CSF3R: variants seen among roughly 807,000 people sequenced by gnomAD.
The protein encoded by CSF3R is granulocyte colony-stimulating factor receptor.
In CSF3R, 52 loss-of-function variants were observed where a neutral mutation model predicts 84.4. That is an observed-to-expected ratio of 0.62 (90% CI 0.49 to 0.78). The LOEUF is 0.78. Among genes scored for constraint, CSF3R ranks in the 30% least tolerant of loss-of-function variants. CSF3R has a pLI of 0.00. For missense variants in CSF3R, 890 were observed against 1,055.7 expected, an observed-to-expected ratio of 0.84 and a Z score of 2.17; for synonymous variants, 384 against 429.1, an observed-to-expected ratio of 0.89 and a Z score of 1.30.
Position 36,473,055 on chromosome 1 carries a change from A to G in CSF3R, c.674-369T>C, listed in dbSNP as rs190042453. On this transcript the variant is annotated intron_variant, in intron 6 of 16. Transcript: ENST00000373106. ...TCTCTCTATGCCCTTCTCCTCCTTT[A>G]ATTTCTCCTTTCTGCTTATTGCTAT... 1.9e-4 allele frequency: 74 copies of G among 385,782 alleles called. No individual in the cohort carries two copies. In the East Asian group the frequency reaches 2.9e-3, roughly 15 times the overall value. 23.9% of individuals were successfully genotyped at this position (385,782 alleles called of 1,614,324 possible). A position where few individuals can be genotyped will look rare whatever the true frequency, so the allele number is the denominator to read the frequency against.
intron 3 of CSF3R, chr1:36,475,875 G>A (rs1011282971): frequency 3.9e-5 from 22 of 564,088 alleles, no homozygotes; most frequent in Non-Finnish European, 6.2e-5. Context: ...GCTGGTAACC[G>A]TTTATCAGCC....
Position 36,475,635 on chromosome 1 carries a change from T to C in CSF3R, c.103A>G (p.Ile35Val), listed in dbSNP as rs755370892. The change falls in exon 4 of 17, where the codon ATC becomes GTC. Residue 35 changes from isoleucine (I) to valine (V), a missense_variant. Transcript: ENST00000373106. ...ECGHISVSAP[I>V]VHLGDPITAS... ...GTGATGGGATCCCCCAGGTGGACGA[T>C]GGGGGCTGAGACACTGATGTGCCCG... 6.8e-6 allele frequency: 11 copies of C among 1,606,916 alleles called. No homozygotes were observed. The Admixed American group carries it at 1.7e-4, about 24-fold the overall frequency.
rs1197343333 is a variant in CSF3R, at chr1:36,473,526, C to T, written c.582G>A (p.Leu194=). 3.7e-6 allele frequency: 6 copies of T among 1,614,194 alleles called. No homozygotes were observed. The highest frequency in any genetic ancestry group is 5.1e-6 in the Non-Finnish European group (6 of 1,180,054). Residue 194 remains leucine, a synonymous_variant, in exon 6 of 17, where the codon CTG becomes CTA. Coordinates refer to ENST00000373106, the MANE Select transcript of CSF3R (RefSeq NM_000760.4). ...CCCAGATGCCCATATTCTGGTACAA[C>T]AGCAGGTGTTTGCGTGGGATGCAGC... The part of the protein sequence containing the change: ...SHCCIPRKHL[L]LYQNMGIWVQ...
In CSF3R at chr1:36,467,321, G is replaced by T; in HGVS notation, c.1959-10C>A. ...GAGGGGATTCTTCCTGCTGGAGAAG[G>T]GGGCAGGTGGAGGCTGAGTCAGACA... On this transcript the variant is annotated splice_polypyrimidine_tract_variant and intron_variant, in intron 15 of 16. Transcript: ENST00000373106. This position sits in a 1 kb window ranked among gnomAD's most constrained non-coding sequence, Gnocchi z 4.1. 6.2e-7 allele frequency: 1 copy of T among 1,614,064 alleles called. No individual in the cohort carries two copies. Among genetic ancestry groups the T allele is most frequent in the Admixed American group, 1.7e-5 (1 of 60,026 alleles).
At chr1:36,471,889 G>C (rs558413464) in intron 9 of CSF3R, 177 bp downstream of exon 9, 3 of 721,148 alleles carry the variant, frequency 4.2e-6, no homozygotes, top group Non-Finnish European at 7.1e-6. Flanking sequence ...TGTGACGTGC[G>C]TTACAGTCTG....
At position 36,473,761 on chromosome 1, in the gene CSF3R, C is replaced by T. The variant is rs773649621; in HGVS notation, c.485+3G>A. On this transcript the variant is annotated splice_donor_region_variant and intron_variant, in intron 5 of 16. Transcript: ENST00000373106. ...GGGGACCAAGGTGGGGGCCCCTCCT[C>T]ACTTGAAACTCTTCAGAGTGAAGCT... 6.2e-7 allele frequency: 1 copy of T among 1,614,248 alleles called. No homozygotes were observed. Among genetic ancestry groups the T allele is most frequent in the Non-Finnish European group, 8.5e-7 (1 of 1,180,038 alleles).
chr1:36,475,558 C>G lies in CSF3R; in HGVS notation c.180G>C (p.Gln60His). The change falls in exon 4 of 17, where the codon CAG (glutamine) becomes CAC (histidine). Residue 60 changes from glutamine to histidine, a missense_variant. Physicochemically the swap from Gln to His is conservative, Grantham distance 24. Transcript: ENST00000373106. ...GCTCTGCTCCCAGTCTCCACAGAAT[C>G]TGTGGCTCCGGGTCCAGATGGCTGC... is the stretch of plus-strand genomic sequence containing the variant. ...QNCSHLDPEP[Q>H]ILWRLGAELQ... The G allele has an allele frequency of 6.2e-7, 1 of 1,613,974 alleles. No individual in the cohort carries two copies. Among genetic ancestry groups the G allele is most frequent in the South Asian group, 1.1e-5 (1 of 91,074 alleles).
intron 6 of CSF3R, chr1:36,473,192 A>G (rs1650895280): frequency 3.5e-6 from 2 of 573,836 alleles, no homozygotes; most frequent in South Asian, 4.2e-5. Context: ...TGGGTGCTTT[A>G]GGAAACACGC....
At chr1:36,468,311 G>T in intron 12 of CSF3R, 90 bp from the exon 13 acceptor site, 1 of 1,392,530 alleles carries the variant, frequency 7.2e-7, no homozygotes, top group Non-Finnish European at 9.7e-7. Flanking sequence ...ACACTGTGGG[G>T]TGGGTGAGAA....
intron 3 of CSF3R, chr1:36,475,879 A>G (rs576003220): frequency 1.8e-6 from 1 of 560,138 alleles, no homozygotes; most frequent in East Asian, 2.9e-5. Flanking sequence ...GTAACCGTTT[A>G]TCAGCCAGCT....
At chr1:36,479,960 A>G in intron 2 of CSF3R, 1 of 303,720 alleles carries the variant, frequency 3.3e-6, no homozygotes, top group South Asian at 3.0e-5. Context: ...GAAAGCCAGC[A>G]CAAAGTTACA....
intron 4 of CSF3R, among the ~76,000 whole-genome samples, chr1:36,474,956 C>T (rs562960425): frequency 6.6e-6 from 1 of 152,164 alleles, no homozygotes; most frequent in South Asian, 2.1e-4. Context: ...GATATCATGC[C>T]CATAAAGTGC....
rs1650945872 is a variant in CSF3R at position 36,473,829 on chromosome 1, G to A, written c.420C>T (p.Leu140=). ...SCLMNLTTSS[L]ICQWEPGPET... is the part of the protein sequence containing the mutation. ...CAGGTCCTGGCTCCCACTGGCAGAT[G>A]AGGCTGCTGGTTGTGAGGTTCATGA... The change falls in exon 5 of 17, where the codon CTC becomes CTT. Residue 140 remains leucine (L), a synonymous_variant. Transcript: ENST00000373106. 1.2e-6 allele frequency: 2 copies of A among 1,614,264 alleles called. No individual in the cohort carries two copies. Among genetic ancestry groups the A allele is most frequent in the Non-Finnish European group, 1.7e-6 (2 of 1,180,042 alleles).
chr1:36,473,832 G>T lies in CSF3R; in HGVS notation c.417C>A (p.Ser139Arg). The T allele has an allele frequency of 6.2e-7, 1 of 1,614,250 alleles. No homozygotes were observed. The highest frequency in any genetic ancestry group is 8.5e-7 in the Non-Finnish European group (1 of 1,180,044). The change falls in exon 5 of 17, where the codon AGC becomes AGA. Residue 139 changes from serine (S) to arginine (R), a missense_variant. Transcript: ENST00000373106. ...LSCLMNLTTS[S>R]LICQWEPGPE... ...GTCCTGGCTCCCACTGGCAGATGAG[G>T]CTGCTGGTTGTGAGGTTCATGAGGC...
intron 2 of CSF3R, 126 bp from the exon 3 acceptor site, chr1:36,479,642 T>C: frequency 1.3e-6 from 1 of 754,756 alleles, no homozygotes; most frequent in Non-Finnish European, 2.4e-6. Flanking sequence ...CTTTGCAAAA[T>C]GGAAGTAACA....
chr1:36,469,879 A>G (rs1240774745), intron 10 of CSF3R, 39 bp from the exon 11 acceptor site: 3 of 1,605,458 alleles, frequency 1.9e-6, no homozygotes, highest in Non-Finnish European at 2.6e-6. Context: ...GAAGGTGAAA[A>G]GAATGCAGGC....
Position 36,466,145 on chromosome 1 carries a change from G to T in CSF3R, c.*212C>A. The T allele has an allele frequency of 6.2e-7, 1 of 1,614,242 alleles. No individual in the cohort carries two copies. The highest frequency in any genetic ancestry group is 2.2e-5 in the East Asian group (1 of 44,886). ...CAAGCACAAAAGGCCATTGGGTGGG[G>T]CTGGATGGAGCATGATCTGGTCCTT... is the stretch of plus-strand genomic sequence containing the variant. On this transcript the variant is annotated 3_prime_UTR_variant, in exon 17 of 17. Transcript: ENST00000373106. The surrounding 1 kb of genome is among the most constrained non-coding windows in gnomAD (Gnocchi z 4.6).
chr1:36,469,912 C>G, intron 10 of CSF3R, 72 bp from the exon 11 acceptor site: 1 of 1,517,624 alleles, frequency 6.6e-7, no homozygotes, highest in Middle Eastern at 2.3e-4. Flanking sequence ...AGCCTGGGTT[C>G]AAATCCTGGC....
intron 2 of CSF3R, among the ~76,000 whole-genome samples, chr1:36,479,718 A>C (rs1651400229): frequency 6.6e-6 from 1 of 152,218 alleles, no homozygotes. Flanking sequence ...GGCTTTTCAC[A>C]GTGCCTGGAA....
Sources: allele counts gnomAD v4.1 joint callset (sites outside exome capture counted in the v4.1 genomes callset), GRCh38; gene constraint gnomAD v4.1.1; non-coding constraint Gnocchi (gnomAD v3.1); transcripts MANE v1.5; gene names NCBI Gene and HGNC (gene_info 2026-07-23, HGNC 2026-07-21).